Variants in DYSF observed in about 807,000 individuals in gnomAD.
DYSF encodes dystrophy-associated fer-1-like 1.
DYSF carries 212 observed loss-of-function variants against 274.9 expected under a neutral mutation model. That is an observed-to-expected ratio of 0.77 (90% CI 0.69 to 0.86). The LOEUF (loss-of-function observed/expected upper bound fraction) is 0.86. DYSF is among the 40% of genes least tolerant of loss of function. The probability of loss-of-function intolerance (pLI) is 0.00; values close to 1 mark genes in which losing one functional copy is unlikely to be tolerated. For synonymous variants in DYSF, 1,091 were observed against 1,078.7 expected (o/e 1.01, Z -0.22); for missense variants, 2,666 against 2,783.2 (o/e 0.96, Z 0.95).
Position 71,660,658 on chromosome 2 carries a change from TG to T in DYSF, c.5003+11del. On this transcript the variant is annotated splice_region_variant and intron_variant, in intron 45 of 55. Transcript: ENST00000410020. ...TGGAGCCCGTATTTGGAAAGTAAATTGGGGCATCTTGGGTCTTGGGGTGGAG... is the reference window on the plus strand; with the variant it reads ...TGGAGCCCGTATTTGGAAAGTAAATTGGGCATCTTGGGTCTTGGGGTGGAG... 6.2e-7 allele frequency: 1 copy of T among 1,611,794 alleles called. No homozygotes were observed. Among genetic ancestry groups the T allele is most frequent in the South Asian group, 1.1e-5 (1 of 91,028 alleles).
intron 16 of DYSF, 72 bp downstream of exon 16, chr2:71,535,383 GCTCAGTGA>G: frequency 7.0e-7 from 1 of 1,433,074 alleles, no homozygotes; most frequent in Non-Finnish European, 9.9e-7. Flanking sequence ...GTTTCATTCG[GCTCAGTGA>G]CTGGTAGTAA....
At chr2:71,592,724 C>CCT (rs2152846834) in intron 32 of DYSF, among the ~76,000 whole-genome samples, 1 of 152,364 alleles carries the variant, frequency 6.6e-6, no homozygotes. Flanking sequence ...TCTCCCAGTG[C>CCT]CTCTGACCTG....
intron 30 of DYSF, among the ~76,000 whole-genome samples, chr2:71,586,691 AG>A (rs2093078006): frequency 6.6e-6 from 1 of 152,038 alleles, no homozygotes; most frequent in South Asian, 2.1e-4. Flanking sequence ...ACAGGGGCCC[AG>A]TGAGGGGGGC....
chr2:71,642,075 A>C (rs2094494463), intron 41 of DYSF, among the ~76,000 whole-genome samples: 1 of 152,168 alleles, frequency 6.6e-6, no homozygotes, highest in African/African-American at 2.4e-5. Flanking sequence ...GGATTGAGGG[A>C]AGTGTGATAC....
intron 3 of DYSF, among the ~76,000 whole-genome samples, chr2:71,491,194 ATTTC>A (rs1329592022): frequency 6.6e-6 from 1 of 151,888 alleles, no homozygotes; most frequent in African/African-American, 2.4e-5. Flanking sequence ...GTCCATTTCT[ATTTC>A]TTCTTTTGTG....
At chr2:71,667,593 G>C in intron 48 of DYSF, 78 bp downstream of exon 48, 3 of 1,591,492 alleles carry the variant, frequency 1.9e-6, no homozygotes, top group Non-Finnish European at 2.6e-6. Flanking sequence ...GGATATCCCA[G>C]AGGAGCCAGT....
chr2:71,672,702 G>A (rs1372423441), intron 51 of DYSF, among the ~76,000 whole-genome samples: 6 of 152,234 alleles, frequency 3.9e-5, no homozygotes, highest in African/African-American at 7.2e-5. Context: ...GCTCATTACC[G>A]AGCCCATAAA....
At chr2:71,578,079 A>T (rs1275787707) in intron 30 of DYSF, among the ~76,000 whole-genome samples, 1 of 152,198 alleles carries the variant, frequency 6.6e-6, no homozygotes, top group Admixed American at 6.5e-5. Context: ...CGATGCATGT[A>T]GTGAAGCACT....
intron 30 of DYSF, chr2:71,576,560 C>T (rs928106418): frequency 3.9e-5 from 6 of 153,004 alleles, no homozygotes; most frequent in South Asian, 2.1e-4. Flanking sequence ...GGCCGCAGGG[C>T]GGGGTGGGGC....
At chr2:71,528,270 G>A in intron 13 of DYSF, 28 bp from the exon 14 acceptor site, 1 of 1,589,460 alleles carries the variant, frequency 6.3e-7, no homozygotes, top group South Asian at 1.1e-5. Context: ...CAGCAGGCAG[G>A]CAGTGACTGG....
intron 37 of DYSF, 56 bp downstream of exon 37, chr2:71,611,402 T>C: frequency 1.9e-6 from 3 of 1,613,804 alleles, no homozygotes; most frequent in Non-Finnish European, 2.5e-6. Context: ...TTCCCCTTCC[T>C]GGCCCCAGCC....
chr2:71,471,739 G>A, intron 1 of DYSF, among the ~76,000 whole-genome samples: 1 of 152,172 alleles, frequency 6.6e-6, no homozygotes, highest in East Asian at 1.9e-4. Context: ...GGAGGCTGAG[G>A]TGGGCGGATT....
chr2:71,584,773 T>G (rs2093010238), intron 30 of DYSF, among the ~76,000 whole-genome samples: 1 of 152,194 alleles, frequency 6.6e-6, no homozygotes, highest in Non-Finnish European at 1.5e-5. Context: ...TAGGGGCTGC[T>G]GCTGAAGGCT....
intron 22 of DYSF, among the ~76,000 whole-genome samples, chr2:71,558,820 G>C (rs549457902): frequency 6.6e-6 from 1 of 150,966 alleles, no homozygotes; most frequent in Admixed American, 6.7e-5. Context: ...ATGCCTCTCT[G>C]GGGGGGAATT....
chr2:71,498,792 G>A (rs1343798405), intron 3 of DYSF, among the ~76,000 whole-genome samples: 1 of 152,184 alleles, frequency 6.6e-6, no homozygotes, highest in East Asian at 1.9e-4. Context: ...AGGCAAGATG[G>A]AGTCGGTTGG....
chr2:71,516,906 G>A (rs2086713649), intron 9 of DYSF, 83 bp from the exon 10 acceptor site: 4 of 1,263,682 alleles, frequency 3.2e-6, no homozygotes, highest in South Asian at 1.2e-5. Flanking sequence ...GGCAGTTATT[G>A]TTTGGGAGGG....
intron 12 of DYSF, among the ~76,000 whole-genome samples, chr2:71,522,648 G>A (rs769528039): frequency 6.6e-6 from 1 of 152,116 alleles, no homozygotes; most frequent in African/African-American, 2.4e-5. Flanking sequence ...AGCTCTGGAC[G>A]CTCAGTTTCA....
At chr2:71,521,699 A>C (rs2087290610) in intron 12 of DYSF, among the ~76,000 whole-genome samples, 1 of 152,126 alleles carries the variant, frequency 6.6e-6, no homozygotes, top group African/African-American at 2.4e-5. Flanking sequence ...CATCCTCACC[A>C]CACACTGGCT....
At position 71,667,488 on chromosome 2, in the gene DYSF, C is replaced by T. The variant is rs2095036178; in HGVS notation, c.5430C>T (p.Tyr1810=). The T allele has an allele frequency of 6.2e-7, 1 of 1,614,156 alleles. No individual in the cohort carries two copies. Among genetic ancestry groups the T allele is most frequent in the African/African-American group, 1.3e-5 (1 of 75,044 alleles). ...AGCACGTGGAGTCACGGCCCCTCTA[C>T]AGCCCCCTGCAGCCAGACATCGAGC... is the stretch of plus-strand genomic sequence containing the variant. ...VPEHVESRPL[Y]SPLQPDIEQG... The change falls in exon 48 of 56, where the codon TAC becomes TAT. Residue 1810 remains tyrosine (Y), a synonymous_variant. Coordinates refer to ENST00000410020, the MANE Select transcript of DYSF (RefSeq NM_001130987.2).
Sources: gnomAD v4.1 joint callset for allele counts (sites outside exome capture counted in the v4.1 genomes callset) on GRCh38, gnomAD v4.1.1 for gene constraint, MANE v1.5 for transcripts, NCBI Gene and HGNC (gene_info 2026-07-23, HGNC 2026-07-21) for gene names.